The following RNF17 variants were observed in gnomAD, a reference collection of about 807,000 sequenced individuals.
RNF17 encodes the protein spermatogenesis associated 23.
RNF17 carries 31 observed loss-of-function variants against 200.5 expected under a neutral mutation model. That is an observed-to-expected ratio of 0.15 (90% CI 0.12 to 0.21). The LOEUF is 0.21. Ranked by LOEUF, RNF17 falls within the 10% of genes least tolerant of loss-of-function variation. The pLI is 1.00. For missense variants in RNF17, 1,628 were observed against 1,905.1 expected (o/e 0.85, Z 2.71); for synonymous variants, 606 against 637.8 (o/e 0.95, Z 0.75).
At chr13:24,776,789 T>A (rs1881631307) in intron 3 of RNF17, among the ~76,000 whole-genome samples, 1 of 152,206 alleles carries the variant, frequency 6.6e-6, no homozygotes, top group South Asian at 2.1e-4. Flanking sequence ...TGTAGCCAGT[T>A]ATTAGTATGT....
At chr13:24,845,165 A>C in intron 22 of RNF17, 86 bp downstream of exon 22, 1 of 741,922 alleles carries the variant, frequency 1.3e-6, no homozygotes, top group South Asian at 1.9e-5. Context: ...AGATATTCTG[A>C]AATTTTCCTA....
intron 15 of RNF17, among the ~76,000 whole-genome samples, chr13:24,825,048 A>G (rs1888472096): frequency 6.6e-6 from 1 of 152,208 alleles, no homozygotes; most frequent in African/African-American, 2.4e-5. Flanking sequence ...CAGCATGAGG[A>G]TATAACCACA....
intron 20 of RNF17, 90 bp downstream of exon 20, chr13:24,844,061 G>T: frequency 2.3e-6 from 1 of 428,254 alleles, no homozygotes. Context: ...CATAAATGTA[G>T]ATTTTACTAG....
At chr13:24,796,722 A>G (rs1207429834) in intron 11 of RNF17, among the ~76,000 whole-genome samples, 3 of 152,204 alleles carry the variant, frequency 2.0e-5, no homozygotes, top group Non-Finnish European at 2.9e-5. Context: ...CCAGCGCCCT[A>G]CAGAGGATAA....
chr13:24,802,584 T>C lies in RNF17; in HGVS notation c.1949+13T>C, dbSNP rs756144534. On this transcript the variant is annotated intron_variant, in intron 14 of 35. Transcript: ENST00000255324. ...TGGAACTAGCAAAGTAAGTAACTTA[T>C]TAAAACTTAAATATTCTTTGAGATT... 5.1e-5 allele frequency: 80 copies of C among 1,577,958 alleles called. 3 individuals carry two copies. Among genetic ancestry groups the C allele is most frequent in the South Asian group, 1.9e-4 (16 of 85,462 alleles).
chr13:24,846,338 A>G (rs1164397373), intron 22 of RNF17, among the ~76,000 whole-genome samples: 3 of 152,346 alleles, frequency 2.0e-5, no homozygotes, highest in African/African-American at 4.8e-5. Context: ...TAAATTCCAC[A>G]TAAAAATTTG....
downstream of RNF17, chr13:24,882,874 GTTTT>G (rs138938177): frequency 8.3e-6 from 3 of 360,512 alleles, no homozygotes; most frequent in Admixed American, 8.4e-5. Flanking sequence ...GTACTTCTTG[GTTTT>G]TTTTTATAGC....
intron 18 of RNF17, among the ~76,000 whole-genome samples, chr13:24,836,823 C>A (rs970480500): frequency 1.2e-5 from 1 of 86,544 alleles, no homozygotes; most frequent in South Asian, 3.9e-4. Context: ...AAAAACAAAA[C>A]CAAAGTGCAC....
chr13:24,755,921 T>C, the RNF17 span, among the ~76,000 whole-genome samples: 1 of 152,180 alleles, frequency 6.6e-6, no homozygotes, highest in Non-Finnish European at 1.5e-5. Flanking sequence ...GGTAAAGTCA[T>C]TCCTAGTTAA....
chr13:24,756,489 G>A, the RNF17 span, among the ~76,000 whole-genome samples: 1 of 151,476 alleles, frequency 6.6e-6, no homozygotes, highest in South Asian at 2.1e-4. Context: ...TCCCGAAAAT[G>A]TATAGCTTGA....
intron 29 of RNF17, 123 bp downstream of exon 29, chr13:24,865,121 A>C: frequency 1.5e-6 from 1 of 689,052 alleles, no homozygotes; most frequent in Non-Finnish European, 2.3e-6. Context: ...GAGAGTCTAG[A>C]GGACTTACAC....
At chr13:24,825,875 TATC>T (rs1397669401) in intron 16 of RNF17, 103 bp downstream of exon 16, 2 of 1,426,094 alleles carry the variant, frequency 1.4e-6, no homozygotes, top group African/African-American at 2.8e-5. Context: ...TATTTGATCT[TATC>T]ATTTGCTCTG....
intron 15 of RNF17, among the ~76,000 whole-genome samples, chr13:24,814,854 C>T (rs1345833540): frequency 6.6e-6 from 1 of 152,088 alleles, no homozygotes; most frequent in African/African-American, 2.4e-5. Flanking sequence ...TTCCATGTGA[C>T]TTTTAGGATG....
intron 22 of RNF17, 142 bp downstream of exon 22, chr13:24,845,221 G>A: frequency 3.5e-6 from 2 of 577,758 alleles, no homozygotes; most frequent in Non-Finnish European, 6.1e-6. Context: ...GAGAAGTTTG[G>A]AGCACGTAAA....
intron 33 of RNF17, among the ~76,000 whole-genome samples, chr13:24,875,917 C>T (rs1894808368): frequency 6.6e-6 from 1 of 152,212 alleles, no homozygotes; most frequent in Admixed American, 6.5e-5. Context: ...GAAAGCTTCA[C>T]CAGAGAGTCC....
At chr13:24,842,499 T>G (rs961078710) in intron 19 of RNF17, among the ~76,000 whole-genome samples, 3 of 152,216 alleles carry the variant, frequency 2.0e-5, no homozygotes, top group African/African-American at 7.2e-5. Context: ...GGATGGAGAA[T>G]AAGCATAGTG....
At chr13:24,769,258 T>G (rs1880304530) in intron 2 of RNF17, among the ~76,000 whole-genome samples, 1 of 152,204 alleles carries the variant, frequency 6.6e-6, no homozygotes, top group Non-Finnish European at 1.5e-5. Context: ...GTACTATTTT[T>G]GGGATTTTGG....
the RNF17 span, among the ~76,000 whole-genome samples, chr13:24,757,516 G>A: frequency 1.3e-5 from 2 of 152,002 alleles, no homozygotes; most frequent in Non-Finnish European, 2.9e-5. Context: ...TAGAGACGGG[G>A]TTTCACCATG....
At chr13:24,886,200 C>T in the RNF17 span, 2 of 705,618 alleles carry the variant, frequency 2.8e-6, no homozygotes, top group Non-Finnish European at 4.4e-6. Context: ...TATTTTCATC[C>T]TATGTGCCAA....
Sources: allele counts gnomAD v4.1 joint callset (sites outside exome capture counted in the v4.1 genomes callset), GRCh38; gene constraint gnomAD v4.1.1; transcripts MANE v1.5; gene names NCBI Gene and HGNC (gene_info 2026-07-23, HGNC 2026-07-21).